ABR: variants seen among roughly 807,000 people sequenced by gnomAD.
The protein encoded by ABR is ABR activator of RhoGEF and GTPase, also known as active breakpoint cluster region-related protein.
ABR carries 35 observed loss-of-function variants against 107.2 expected under a neutral mutation model. The ratio of observed to expected loss-of-function variants is 0.33; its 90% confidence interval spans 0.25 to 0.43. The LOEUF (loss-of-function observed/expected upper bound fraction) is 0.43. Among genes scored for constraint, ABR ranks in the 20% least tolerant of loss-of-function variants. The probability of loss-of-function intolerance (pLI) is 1.00; values close to 1 mark genes in which losing one functional copy is unlikely to be tolerated. For synonymous variants in ABR, 498 were observed against 462.0 expected (o/e 1.08, Z -1.00); for missense variants, 815 against 1,115.2 (o/e 0.73, Z 3.83).
At chr17:1,012,173 C>T (rs200812848) in intron 18 of ABR, 188 bp from the exon 19 acceptor site, 267 of 916,878 alleles carry the variant, frequency 2.9e-4, no homozygotes, top group East Asian at 7.1e-4. Context: ...CGAGGCCTGC[C>T]GAAGGGGCAT....
In ABR at chr17:1,166,016, C is replaced by T. The variant is rs369305168; in HGVS notation, c.61+13651G>A. Reference sequence around the variant, plus strand: ...CGCACCCACCCTCCCCAGCGCGGTCCCCACCTCCGCTCTCCCAGAGCCCAC... The same window carrying T: ...CGCACCCACCCTCCCCAGCGCGGTCTCCACCTCCGCTCTCCCAGAGCCCAC... On this transcript the variant is annotated intron_variant, in intron 1 of 22. Transcript: ENST00000302538. Among the ~76,000 whole-genome samples, 12 of 149,692 alleles carry T rather than the reference C, an allele frequency of 8.0e-5. 1 individual carries two copies. The highest frequency in any genetic ancestry group is 2.7e-4 in the African/African-American group (11 of 40,706).
At chr17:1,072,359 C>T (rs1289986278) in intron 8 of ABR, among the ~76,000 whole-genome samples, 3 of 151,906 alleles carry the variant, frequency 2.0e-5, no homozygotes, top group Non-Finnish European at 2.9e-5. Flanking sequence ...CACCCGGTGC[C>T]GCCCGTGTGT....
Position 1,193,104 on chromosome 17 carries a change from G to A in ABR, c.838+35689C>T, listed in dbSNP as rs193205781. Among the ~76,000 whole-genome samples the A allele has an allele frequency of 5.3e-5, 8 of 152,286 alleles. No homozygotes were observed. The East Asian group carries it at 1.5e-3, about 29-fold the overall frequency. On this transcript the variant is annotated intron_variant, in intron 1 of 22. Coordinates refer to the ABR transcript ENST00000574139. Reference sequence around the variant, plus strand: ...GCACAGAGGCAGACGTGGAAATGGAGCGAAGAGCTAGAATGGATGACTGTG... The same window carrying A: ...GCACAGAGGCAGACGTGGAAATGGAACGAAGAGCTAGAATGGATGACTGTG...
chr17:1,036,188 G>A (rs1344109908), intron 16 of ABR, among the ~76,000 whole-genome samples: 1 of 152,170 alleles, frequency 6.6e-6, no homozygotes, highest in African/African-American at 2.4e-5. Context: ...CTATCCGCTA[G>A]CGCAAATGAC....
At chr17:1,216,536 A>T (rs1056856458) in intron 1 of ABR, among the ~76,000 whole-genome samples, 1 of 152,200 alleles carries the variant, frequency 6.6e-6, no homozygotes, top group African/African-American at 2.4e-5. Context: ...TCCCATTCAC[A>T]TTGCCCATCT....
chr17:1,175,379 T>G (rs2041884380), intron 1 of ABR, among the ~76,000 whole-genome samples: 2 of 152,214 alleles, frequency 1.3e-5, no homozygotes, highest in African/African-American at 4.8e-5. Flanking sequence ...ACCGCCGCAC[T>G]CCAGCCTGGG....
chr17:1,095,084 C>G (rs1434810905), intron 3 of ABR, among the ~76,000 whole-genome samples: 3 of 152,202 alleles, frequency 2.0e-5, no homozygotes, highest in Non-Finnish European at 4.4e-5. Flanking sequence ...TCCCCATACC[C>G]AAGAATTCTT....
rs932283104 is a variant in ABR at position 1,018,123 on chromosome 17, A to G, written c.1792-4959T>C. On this transcript the variant is annotated intron_variant, in intron 16 of 22. Transcript: ENST00000302538. ...TGTGGCGCGATCCTGGCTCACTGCA[A>G]GCTCCGCCTCCCGGGTTCACGCCAT... Among the ~76,000 whole-genome samples the G allele has an allele frequency of 4.6e-5, 7 of 151,836 alleles. No homozygotes were observed. The South Asian group carries it at 1.2e-3, about 27-fold the overall frequency.
At chr17:1,141,963 A>G (rs1390555147) in intron 1 of ABR, among the ~76,000 whole-genome samples, 5 of 151,866 alleles carry the variant, frequency 3.3e-5, no homozygotes, top group Non-Finnish European at 7.4e-5. Context: ...TCACCATGTT[A>G]GCCAGGATGG....
rs2042874967 is a variant in ABR, at chr17:1,210,205, AC to A, written c.838+18587del. ...GGTACTGTGGGGGCTGTCACTTTTTACCTGCGTAGAAAGTTCTGACCTAAGC... is the reference window on the plus strand; with the variant it reads ...GGTACTGTGGGGGCTGTCACTTTTTACTGCGTAGAAAGTTCTGACCTAAGC... On this transcript the variant is annotated intron_variant, in intron 1 of 22. Coordinates refer to the ABR transcript ENST00000574139. The surrounding 1 kb of genome is among the most constrained non-coding windows in gnomAD (Gnocchi z 5.6). Among the ~76,000 whole-genome samples the A allele has an allele frequency of 6.6e-6, 1 of 152,260 alleles. No individual in the cohort carries two copies. Among genetic ancestry groups the A allele is most frequent in the East Asian group, 1.9e-4 (1 of 5,178 alleles).
chr17:1,163,055 G>C (rs2041365818), intron 1 of ABR, among the ~76,000 whole-genome samples: 1 of 152,216 alleles, frequency 6.6e-6, no homozygotes, highest in Admixed American at 6.5e-5. Flanking sequence ...CTGGGCGACA[G>C]AGCGAGACTC....
intron 1 of ABR, among the ~76,000 whole-genome samples, chr17:1,192,990 G>A (rs1377440696): frequency 6.6e-6 from 1 of 152,208 alleles, no homozygotes; most frequent in African/African-American, 2.4e-5. Context: ...GGAGGCTGTA[G>A]TGAGCCGAGA....
At chr17:1,067,370 C>T in intron 9 of ABR, 128 bp from the exon 10 acceptor site, 2 of 897,692 alleles carry the variant, frequency 2.2e-6, no homozygotes, top group South Asian at 1.8e-5. Context: ...AAGAACGATC[C>T]CTGCTCCTGA....
intron 9 of ABR, 60 bp from the exon 10 acceptor site, chr17:1,067,302 T>A: frequency 6.8e-7 from 1 of 1,478,316 alleles, no homozygotes; most frequent in Non-Finnish European, 9.0e-7. Flanking sequence ...CAGCCTCAAC[T>A]CTTGGGTCCA....
Position 1,170,145 on chromosome 17 carries a change from C to T in ABR, c.61+9522G>A, listed in dbSNP as rs535718490. On this transcript the variant is annotated intron_variant, in intron 1 of 22. Coordinates refer to ENST00000302538, the MANE Select transcript of ABR (RefSeq NM_021962.5). ...GCTCATGCCCCTAGGAAGAGGCAGC[C>T]CAGTTGGTGGATGCTCCCAGTGCTT... 3.3e-5 allele frequency among the ~76,000 whole-genome samples: 5 copies of T among 152,252 alleles called. No individual in the cohort carries two copies. In the East Asian group the frequency reaches 9.7e-4, roughly 29 times the overall value.
chr17:1,099,173 C>G (rs1377846314), intron 3 of ABR, among the ~76,000 whole-genome samples: 1 of 152,036 alleles, frequency 6.6e-6, no homozygotes, highest in Admixed American at 6.6e-5. Context: ...CCCCCAGATT[C>G]AAGCAATTCT....
At chr17:1,089,145 C>G (rs1459800695) in intron 4 of ABR, among the ~76,000 whole-genome samples, 2 of 152,100 alleles carry the variant, frequency 1.3e-5, no homozygotes, top group Non-Finnish European at 2.9e-5. Context: ...ATCCACCCAC[C>G]CCGGCCTCCC....
intron 18 of ABR, chr17:1,012,266 A>G (rs2070656821): frequency 3.1e-6 from 2 of 653,122 alleles, no homozygotes; most frequent in South Asian, 3.0e-5. Context: ...CCAGATTCAG[A>G]TGCTTGTAGG....
chr17:1,058,170 GC>G lies in ABR; in HGVS notation c.1306-126del, dbSNP rs1214254107. On this transcript the variant is annotated intron_variant, in intron 11 of 22. Coordinates refer to ENST00000302538, the MANE Select transcript of ABR (RefSeq NM_021962.5). ...TTTTTTTTTTTTGAGACAGAGTCTC[GC>G]TCTTGTTGCCCAGGCTCTAGTGCAA... The G allele has an allele frequency of 1.2e-4, 59 of 479,218 alleles. 1 individual carries two copies. Among genetic ancestry groups the G allele is most frequent in the South Asian group, 7.9e-4 (37 of 47,124 alleles). 29.7% of individuals were successfully genotyped at this position (479,218 alleles called of 1,614,324 possible). A position where few individuals can be genotyped will look rare whatever the true frequency, so the allele number is the denominator to read the frequency against.
Sources: allele counts gnomAD v4.1 joint callset (sites outside exome capture counted in the v4.1 genomes callset), GRCh38; gene constraint gnomAD v4.1.1; non-coding constraint Gnocchi (gnomAD v3.1); transcripts MANE v1.5; gene names NCBI Gene and HGNC (gene_info 2026-07-23, HGNC 2026-07-21).